The following TOP3A variants were observed in gnomAD, a reference collection of about 807,000 sequenced individuals.
The protein encoded by TOP3A is DNA topoisomerase III alpha, also known as DNA topoisomerase 3-alpha.
A neutral mutation model predicts 111.3 loss-of-function variants in TOP3A; 64 were observed. The observed-to-expected ratio is 0.57, with a 90% CI of 0.47 to 0.71. The LOEUF is 0.71. TOP3A is among the 30% of genes least tolerant of loss of function. TOP3A has a pLI of 0.00. For missense variants in TOP3A, 1,104 were observed against 1,285.0 expected, an observed-to-expected ratio of 0.86 and a Z score of 2.15; for synonymous variants, 484 against 485.1, an observed-to-expected ratio of 1.00 and a Z score of 0.03.
At chr17:18,302,808 G>T in intron 5 of TOP3A, 85 bp from the exon 6 acceptor site, 1 of 1,503,400 alleles carries the variant, frequency 6.7e-7, no homozygotes, top group Non-Finnish European at 9.0e-7. Context: ...AAAGCCCCTT[G>T]AAATAAAGGC....
intron 11 of TOP3A, among the ~76,000 whole-genome samples, chr17:18,292,292 A>G (rs552000241): frequency 3.9e-5 from 6 of 152,330 alleles, no homozygotes; most frequent in Non-Finnish European, 7.4e-5. Flanking sequence ...GGAGGCAACC[A>G]AAACTGAGCC....
intron 18 of TOP3A, among the ~76,000 whole-genome samples, chr17:18,275,569 A>G (rs570158297): frequency 1.3e-4 from 19 of 151,066 alleles, no homozygotes; most frequent in East Asian, 4.0e-4. Context: ...TCATCATGTT[A>G]GCCAGGATGG....
At chr17:18,285,108 G>A (rs1395075843) in intron 15 of TOP3A, 34 bp downstream of exon 15, 1 of 1,606,544 alleles carries the variant, frequency 6.2e-7, no homozygotes, top group Non-Finnish European at 8.5e-7. Flanking sequence ...GGGCAACATA[G>A]TGAGACCCCT....
chr17:18,285,826 C>T (rs958156672), intron 13 of TOP3A, among the ~76,000 whole-genome samples: 1 of 152,206 alleles, frequency 6.6e-6, no homozygotes, highest in Non-Finnish European at 1.5e-5. Context: ...TAGTCTCTTC[C>T]TCTACCCTAA....
chr17:18,300,629 C>T (rs952874626), intron 8 of TOP3A, among the ~76,000 whole-genome samples: 3 of 151,876 alleles, frequency 2.0e-5, no homozygotes, highest in Non-Finnish European at 2.9e-5. Flanking sequence ...AATCATGGCT[C>T]ACTGCAGCCT....
rs7217776 is a variant in TOP3A at position 18,306,970 on chromosome 17, G to C, written c.315-4C>G. The C allele has an allele frequency of 4.5e-3, 7,237 of 1,609,420 alleles. 292 individuals carry two copies. The African/African-American group carries it at 0.083, about 18-fold the overall frequency. ...GACAAGAGGGTTGCAGCTCTGCCTA[G>C]AAAAGAAATGAAAACAGAGTCCCAA... On this transcript the variant is annotated splice_region_variant and splice_polypyrimidine_tract_variant and intron_variant, in intron 3 of 18. Transcript: ENST00000321105.
chr17:18,302,912 T>A, intron 5 of TOP3A, 189 bp from the exon 6 acceptor site: 1 of 598,352 alleles, frequency 1.7e-6, no homozygotes, highest in Non-Finnish European at 2.8e-6. Flanking sequence ...CCATAACCTT[T>A]AAACTGAGTG....
At chr17:18,295,418 G>A (rs551157112) in intron 9 of TOP3A, among the ~76,000 whole-genome samples, 90 of 152,028 alleles carry the variant, frequency 5.9e-4, no homozygotes, top group Non-Finnish European at 1.1e-3. Context: ...AAAGTGCTGG[G>A]ATTACAGAAG....
intron 7 of TOP3A, 31 bp downstream of exon 7, chr17:18,302,233 C>A: frequency 6.3e-7 from 1 of 1,580,776 alleles, no homozygotes; most frequent in African/African-American, 1.4e-5. Context: ...GCCCATAGGT[C>A]CCAGGCCATA....
At chr17:18,282,926 G>A (rs1054976689) in intron 15 of TOP3A, 85 bp from the exon 16 acceptor site, 61 of 1,544,378 alleles carry the variant, frequency 3.9e-5, no homozygotes, top group South Asian at 7.1e-5. Context: ...CACAACAGGC[G>A]TGACCTTGAG....
chr17:18,305,459 C>T (rs1981499547), intron 4 of TOP3A, among the ~76,000 whole-genome samples: 1 of 144,934 alleles, frequency 6.9e-6, no homozygotes, highest in Non-Finnish European at 1.5e-5. Context: ...TATGACAAAA[C>T]CTGAAATTCA....
intron 13 of TOP3A, among the ~76,000 whole-genome samples, chr17:18,287,561 A>G (rs1413823149): frequency 6.6e-6 from 1 of 151,844 alleles, no homozygotes; most frequent in South Asian, 2.1e-4. Context: ...AAACCCAACA[A>G]AAAAATTAGC....
intron 4 of TOP3A, chr17:18,306,444 C>T: frequency 6.2e-6 from 1 of 160,256 alleles, no homozygotes; most frequent in Non-Finnish European, 1.4e-5. Context: ...ACTGCAGCCT[C>T]AACCTCCTGC....
In TOP3A at chr17:18,282,704, T is replaced by G; in HGVS notation, c.2015A>C (p.Asn672Thr). The G allele has an allele frequency of 6.2e-7, 1 of 1,613,476 alleles. No homozygotes were observed. Among genetic ancestry groups the G allele is most frequent in the Non-Finnish European group, 8.5e-7 (1 of 1,179,916 alleles). The change falls in exon 16 of 19, where the codon AAT (asparagine) becomes ACT (threonine). Residue 672 changes from asparagine (N) to threonine (T), a missense_variant. Physicochemically the swap from Asn to Thr is moderately conservative, Grantham distance 65. Coordinates refer to ENST00000321105, the MANE Select transcript of TOP3A (RefSeq NM_004618.5). ...NKDMVLKTKK[N>T]GGFYLSCMGF... ...CAGAAGGCAGCGCACTCACCCGCCA[T>G]TCTTCTTGGTCTTAAGGACCATGTC... is the stretch of plus-strand genomic sequence containing the variant.
At chr17:18,310,825 AC>A (rs1401701413) in intron 1 of TOP3A, among the ~76,000 whole-genome samples, 1 of 152,066 alleles carries the variant, frequency 6.6e-6, no homozygotes, top group African/African-American at 2.4e-5. Flanking sequence ...TATGATCTGC[AC>A]TCAACTGCTG....
At chr17:18,314,484 G>C (rs144062868) in intron 1 of TOP3A, 115 bp downstream of exon 1, 49 of 1,229,454 alleles carry the variant, frequency 4.0e-5, no homozygotes, top group Non-Finnish European at 5.5e-5. Context: ...GAGGGGCAGT[G>C]AGGCCTGAGA....
intron 17 of TOP3A, among the ~76,000 whole-genome samples, chr17:18,279,611 G>C (rs1334052080): frequency 6.6e-6 from 1 of 150,834 alleles, no homozygotes; most frequent in Non-Finnish European, 1.5e-5. Flanking sequence ...GGATGGTCTC[G>C]ATCTCCTGTC....
intron 1 of TOP3A, among the ~76,000 whole-genome samples, chr17:18,309,467 A>T (rs1462813565): frequency 1.3e-5 from 2 of 151,912 alleles, no homozygotes; most frequent in Non-Finnish European, 2.9e-5. Flanking sequence ...ACATGGTGAA[A>T]CCCCATCTCT....
intron 15 of TOP3A, among the ~76,000 whole-genome samples, chr17:18,283,688 C>G (rs2142945979): frequency 6.6e-6 from 1 of 152,278 alleles, no homozygotes; most frequent in East Asian, 1.9e-4. Context: ...GACTGCTGCC[C>G]CAAATTCCCT....
Sources: gnomAD v4.1 joint callset for allele counts (sites outside exome capture counted in the v4.1 genomes callset) on GRCh38, gnomAD v4.1.1 for gene constraint, MANE v1.5 for transcripts, NCBI Gene and HGNC (gene_info 2026-07-23, HGNC 2026-07-21) for gene names.